Variants in RANBP9 observed in about 807,000 individuals in gnomAD.
RANBP9 encodes RAN binding protein 9, also known as ran-binding protein 9.
A neutral mutation model predicts 84.3 loss-of-function variants in RANBP9; 15 were observed. The observed-to-expected ratio is 0.18, with a 90% CI of 0.12 to 0.27. The LOEUF (loss-of-function observed/expected upper bound fraction) is 0.27. RANBP9 is among the 10% of genes least tolerant of loss of function. The pLI, the probability that RANBP9 is intolerant of heterozygous loss-of-function variation, is 1.00. For synonymous variants in RANBP9, 392 were observed against 349.6 expected (o/e 1.12, Z -1.35); for missense variants, 809 against 912.8 (o/e 0.89, Z 1.46).
At position 13,622,366 on chromosome 6, in the gene RANBP9, T is replaced by C. The variant is rs1341851458; in HGVS notation, c.2186A>G (p.His729Arg). Residue 729 changes from histidine (H) to arginine (R), a missense_variant, in exon 14 of 14, where the codon CAT (histidine) becomes CGT (arginine). Physicochemically the swap from His to Arg is conservative, Grantham distance 29. Coordinates refer to ENST00000011619, the MANE Select transcript of RANBP9 (RefSeq NM_005493.3). The stretch of plus-strand genomic sequence containing the variant: ...GTGAGCTCTTGAAATGCATAGCTAA[T>C]GTAGGTAGTCTTCCACTGTGGCAAA... ...CAFATVEDYL[H>R] The C allele has an allele frequency of 1.3e-6, 2 of 1,578,020 alleles. No individual in the cohort carries two copies. The highest frequency in any genetic ancestry group is 8.6e-7 in the Non-Finnish European group (1 of 1,163,002).
chr6:13,703,193 G>C (rs144192597), intron 1 of RANBP9, among the ~76,000 whole-genome samples: 1 of 152,270 alleles, frequency 6.6e-6, no homozygotes, highest in East Asian at 1.9e-4. Context: ...CAGCTTCTGT[G>C]ACACCAATCT....
chr6:13,665,759 T>C (rs1008926330), intron 2 of RANBP9, among the ~76,000 whole-genome samples: 2 of 152,182 alleles, frequency 1.3e-5, no homozygotes, highest in African/African-American at 4.8e-5. Context: ...ATACAAATTG[T>C]GGTATATTCT....
intron 11 of RANBP9, chr6:13,632,743 T>C (rs774036400): frequency 2.2e-6 from 1 of 447,258 alleles, no homozygotes; most frequent in Non-Finnish European, 3.9e-6. Context: ...CAGCATGCAG[T>C]TGAGAGGGGA....
chr6:13,659,257 TACACACACAC>T lies in RANBP9; in HGVS notation c.684-435_684-426del, dbSNP rs60255234. On this transcript the variant is annotated intron_variant, in intron 2 of 13. Transcript: ENST00000011619. The stretch of plus-strand genomic sequence containing the variant: ...AATTTAGACCCCACACACACACACA[TACACACACAC>T]ACACACACACACACACACACACACA... 4.0e-3 allele frequency among the ~76,000 whole-genome samples: 521 copies of T among 130,662 alleles called. 6 individuals carry two copies. The highest frequency in any genetic ancestry group is 0.013 in the African/African-American group (462 of 35,386). 85.7% of individuals were successfully genotyped at this position (130,662 alleles called of 152,430 possible).
chr6:13,690,820 T>G (rs778112832), intron 2 of RANBP9, among the ~76,000 whole-genome samples: 1 of 152,058 alleles, frequency 6.6e-6, no homozygotes, highest in Admixed American at 6.6e-5. Context: ...CGGTCAATGA[T>G]CACTAAAAAG....
At chr6:13,649,904 T>A (rs951516806) in intron 5 of RANBP9, among the ~76,000 whole-genome samples, 1 of 152,162 alleles carries the variant, frequency 6.6e-6, no homozygotes, top group Non-Finnish European at 1.5e-5. Context: ...CTAAGTACAA[T>A]TGTCAATTCT....
intron 1 of RANBP9, among the ~76,000 whole-genome samples, chr6:13,706,204 C>A (rs1422709155): frequency 6.6e-6 from 1 of 151,960 alleles, no homozygotes; most frequent in Non-Finnish European, 1.5e-5. Flanking sequence ...ATTAGCCGGG[C>A]GTCGCGGCGG....
chr6:13,680,411 T>C lies in RANBP9; in HGVS notation c.683+16374A>G, dbSNP rs138792689. Among the ~76,000 whole-genome samples the C allele has an allele frequency of 7.8e-3, 1,184 of 151,798 alleles. 13 individuals carry two copies. The highest frequency in any genetic ancestry group is 0.027 in the African/African-American group (1,104 of 41,400). On this transcript the variant is annotated intron_variant, in intron 2 of 13. Transcript: ENST00000011619. ...GACCAAATTTCTTGTAAGAAAAAAA[T>C]GTCTGAAGACTTTGAAAATGTCCAT...
In RANBP9 at chr6:13,652,648, A is replaced by G. The variant is rs1219231008; in HGVS notation, c.927+11T>C. ...TTAAAAATGGAAAACTGCTTTTAAA[A>G]AAAGTCTTACCGGTAGGTCAGTGAA... is the stretch of plus-strand genomic sequence containing the variant. On this transcript the variant is annotated intron_variant, in intron 5 of 13. Coordinates refer to ENST00000011619, the MANE Select transcript of RANBP9 (RefSeq NM_005493.3). 3 of 1,578,578 alleles carry G rather than the reference A, an allele frequency of 1.9e-6. No homozygotes were observed. Among genetic ancestry groups the G allele is most frequent in the Non-Finnish European group, 2.6e-6 (3 of 1,156,276 alleles).
At chr6:13,622,521 C>G (rs1764480198) in intron 13 of RANBP9, 29 bp from the exon 14 acceptor site, 15 of 1,525,922 alleles carry the variant, frequency 9.8e-6, no homozygotes, top group Non-Finnish European at 1.3e-5. Context: ...AAAATGAGAA[C>G]AGCAATTAGC....
intron 4 of RANBP9, among the ~76,000 whole-genome samples, chr6:13,656,248 C>T (rs754369358): frequency 3.9e-5 from 6 of 152,008 alleles, no homozygotes; most frequent in Non-Finnish European, 7.4e-5. Context: ...ATAGTTTCTG[C>T]CTTCTAGGGT....
intron 12 of RANBP9, among the ~76,000 whole-genome samples, chr6:13,631,943 A>C (rs1400028191): frequency 6.6e-6 from 1 of 152,146 alleles, no homozygotes; most frequent in African/African-American, 2.4e-5. Context: ...TTATACATCC[A>C]AAATGCTATA....
At chr6:13,704,850 A>G (rs1758061546) in intron 1 of RANBP9, among the ~76,000 whole-genome samples, 1 of 152,112 alleles carries the variant, frequency 6.6e-6, no homozygotes, top group South Asian at 2.1e-4. Context: ...CCAAGAAGCT[A>G]TCCCTGATAC....
At chr6:13,669,577 G>A (rs562550138) in intron 2 of RANBP9, among the ~76,000 whole-genome samples, 10 of 152,108 alleles carry the variant, frequency 6.6e-5, no homozygotes, top group East Asian at 5.8e-4. Flanking sequence ...TTGTATTCAC[G>A]ATCAATTAAT....
At chr6:13,679,262 C>T (rs1765974073) in intron 2 of RANBP9, among the ~76,000 whole-genome samples, 1 of 152,122 alleles carries the variant, frequency 6.6e-6, no homozygotes, top group African/African-American at 2.4e-5. Context: ...CATTACCTCT[C>T]GAAGAGCTAT....
In RANBP9 at chr6:13,696,971, G is replaced by C. The variant is rs566896775; in HGVS notation, c.572-75C>G. 3.2e-5 allele frequency: 38 copies of C among 1,195,708 alleles called. 1 individual carries two copies. The South Asian group carries it at 5.0e-4, about 16-fold the overall frequency. 74.1% of individuals were successfully genotyped at this position (1,195,708 alleles called of 1,614,324 possible). On this transcript the variant is annotated intron_variant, in intron 1 of 13. Transcript: ENST00000011619. Reference sequence around the variant, plus strand: ...AAGATGAAAACCTTAAACAATTCAGGAACATATAGGTTTTTGGAATGATGT... The same window carrying C: ...AAGATGAAAACCTTAAACAATTCAGCAACATATAGGTTTTTGGAATGATGT...
Position 13,711,521 on chromosome 6 carries a change from G to A in RANBP9, c.-16C>T, listed in dbSNP as rs1758287676. On this transcript the variant is annotated 5_prime_UTR_variant, in exon 1 of 14. Coordinates refer to ENST00000011619, the MANE Select transcript of RANBP9 (RefSeq NM_005493.3). ...GCCCGGACATCCCGGCCGCGACTCA[G>A]CCTGCGGCCACCTCCACCTCTTCTC... The A allele has an allele frequency of 8.0e-7, 1 of 1,246,412 alleles. No individual in the cohort carries two copies. Among genetic ancestry groups the A allele is most frequent in the Non-Finnish European group, 1.0e-6 (1 of 991,918 alleles). 77.2% of individuals were successfully genotyped at this position (1,246,412 alleles called of 1,614,324 possible).
chr6:13,705,108 AATATAT>A (rs1758068799), intron 1 of RANBP9, among the ~76,000 whole-genome samples: 1 of 152,190 alleles, frequency 6.6e-6, no homozygotes, highest in Non-Finnish European at 1.5e-5. Flanking sequence ...AGTCTAGCAG[AATATAT>A]ATCATTAGGC....
intron 2 of RANBP9, among the ~76,000 whole-genome samples, chr6:13,690,932 G>A (rs371406068): frequency 6.6e-5 from 10 of 152,226 alleles, no homozygotes; most frequent in East Asian, 1.9e-4. Context: ...TTGGGAGGCC[G>A]AGGTGGGTGG....
Sources: allele counts gnomAD v4.1 joint callset (sites outside exome capture counted in the v4.1 genomes callset), GRCh38; gene constraint gnomAD v4.1.1; transcripts MANE v1.5; gene names NCBI Gene and HGNC (gene_info 2026-07-23, HGNC 2026-07-21).